The following IARS1 variants were observed in gnomAD, a reference collection of about 807,000 sequenced individuals.
IARS1 encodes isoleucyl-tRNA synthetase 1.
In IARS1, 124 loss-of-function variants were observed where a neutral mutation model predicts 168.2. The observed-to-expected ratio is 0.74, with a 90% confidence interval of 0.64 to 0.86. IARS1 has a LOEUF of 0.86. Among genes scored for constraint, IARS1 ranks in the 40% least tolerant of loss-of-function variants. IARS1 has a pLI of 0.00. For missense variants in IARS1, 1,452 were observed against 1,515.8 expected, an observed-to-expected ratio of 0.96 and a Z score of 0.70; for synonymous variants, 532 against 529.4, an observed-to-expected ratio of 1.00 and a Z score of -0.07.
intron 30 of IARS1, among the ~76,000 whole-genome samples, chr9:92,232,684 A>C (rs1826907256): frequency 6.6e-6 from 1 of 152,168 alleles, no homozygotes; most frequent in Non-Finnish European, 1.5e-5. Flanking sequence ...CAAATTAATA[A>C]GCCTTAATAA....
rs773969614 is a variant in IARS1 at position 92,269,925 on chromosome 9, T to C, written c.1264A>G (p.Met422Val). 4.3e-6 allele frequency: 7 copies of C among 1,613,696 alleles called. No homozygotes were observed. The highest frequency in any genetic ancestry group is 1.3e-5 in the African/African-American group (1 of 74,892). The change falls in exon 13 of 34, where the codon ATG (methionine) becomes GTG (valine). Residue 422 changes from methionine to valine, a missense_variant. By Grantham distance (21) the Met-to-Val change is conservative. Coordinates refer to ENST00000443024, the MANE Select transcript of IARS1 (RefSeq NM_002161.6). ...VPSWFVRVEN[M>V]VDQLLRNNDL... ...TTGTTCCTTAGGAGCTGGTCCACCA[T>C]GTTCTCCACTCGCACAAACCAGCTG...
intron 12 of IARS1, among the ~76,000 whole-genome samples, chr9:92,270,774 C>T (rs369127905): frequency 3.6e-4 from 54 of 152,032 alleles, no homozygotes; most frequent in Middle Eastern, 3.4e-3. Flanking sequence ...CCAGCCTGGG[C>T]GTCAGAGTGA....
At chr9:92,285,632 G>T (rs903191118) in intron 6 of IARS1, 90 bp downstream of exon 6, 7 of 752,470 alleles carry the variant, frequency 9.3e-6, no homozygotes, top group Non-Finnish European at 1.6e-5. Flanking sequence ...TTCCACACTG[G>T]GTCTACTTGG....
chr9:92,273,276 A>C (rs1246960144), intron 10 of IARS1, among the ~76,000 whole-genome samples: 1 of 152,226 alleles, frequency 6.6e-6, no homozygotes, highest in Non-Finnish European at 1.5e-5. Flanking sequence ...AAAACTCTTA[A>C]GTAGTATTAT....
intron 33 of IARS1, among the ~76,000 whole-genome samples, chr9:92,217,694 G>A (rs944193511): frequency 3.3e-5 from 5 of 151,994 alleles, no homozygotes; most frequent in South Asian, 4.2e-4. Flanking sequence ...TAAATTCCTC[G>A]ACACATACAT....
intron 33 of IARS1, among the ~76,000 whole-genome samples, chr9:92,214,183 T>A (rs1319315958): frequency 6.6e-6 from 1 of 151,850 alleles, no homozygotes; most frequent in Non-Finnish European, 1.5e-5. Flanking sequence ...GACGTATGCT[T>A]CTTAAAACTG....
At chr9:92,289,868 A>T (rs1836044128) in intron 1 of IARS1, among the ~76,000 whole-genome samples, 1 of 152,192 alleles carries the variant, frequency 6.6e-6, no homozygotes, top group Admixed American at 6.5e-5. Flanking sequence ...CTCATCCATG[A>T]TGTAATATGT....
At chr9:92,283,131 T>G (rs1352194554) in intron 6 of IARS1, among the ~76,000 whole-genome samples, 1 of 152,180 alleles carries the variant, frequency 6.6e-6, no homozygotes, top group Non-Finnish European at 1.5e-5. Context: ...CAAAAAAATT[T>G]TAAAAACCCT....
chr9:92,233,766 T>C (rs1444924442), intron 30 of IARS1, among the ~76,000 whole-genome samples: 1 of 152,212 alleles, frequency 6.6e-6, no homozygotes, highest in African/African-American at 2.4e-5. Context: ...GGTTTACATC[T>C]GAATATTTTT....
intron 6 of IARS1, among the ~76,000 whole-genome samples, chr9:92,281,893 A>C (rs1834629507): frequency 1.3e-5 from 2 of 152,210 alleles, no homozygotes; most frequent in Admixed American, 1.3e-4. Flanking sequence ...AAGAGACTAA[A>C]GAGCTCTTTA....
At chr9:92,268,410 G>T in intron 13 of IARS1, 110 bp from the exon 14 acceptor site, 1 of 1,032,360 alleles carries the variant, frequency 9.7e-7, no homozygotes. Context: ...AAACACTCTG[G>T]AAACGTGGCG....
rs571403974 is a variant in IARS1, at chr9:92,280,928, A to G, written c.598-35T>C. The G allele has an allele frequency of 1.3e-5, 19 of 1,512,842 alleles. No homozygotes were observed. In the South Asian group the frequency reaches 1.6e-4, roughly 13 times the overall value. The allele number at this position is 1,512,842 out of a possible 1,614,324, so 93.7% of individuals were successfully genotyped here. A position where few individuals can be genotyped will look rare whatever the true frequency, so the allele number is the denominator to read the frequency against. ...ATTGAGGTAAAGTATTGTTTTAGAAATCCACAATAACAGACACCTAAGAAA... is the reference window on the plus strand; with the variant it reads ...ATTGAGGTAAAGTATTGTTTTAGAAGTCCACAATAACAGACACCTAAGAAA... On this transcript the variant is annotated intron_variant, in intron 6 of 33. Coordinates refer to ENST00000443024, the MANE Select transcript of IARS1 (RefSeq NM_002161.6).
intron 33 of IARS1, among the ~76,000 whole-genome samples, chr9:92,212,526 CCT>C (rs1837929230): frequency 6.6e-6 from 1 of 152,148 alleles, no homozygotes; most frequent in Non-Finnish European, 1.5e-5. Context: ...TGGTTCTACC[CCT>C]GACCAGGTTC....
At chr9:92,250,962 T>C in intron 22 of IARS1, 128 bp from the exon 23 acceptor site, 1 of 975,504 alleles carries the variant, frequency 1.0e-6, no homozygotes, top group Non-Finnish European at 1.5e-6. Flanking sequence ...AGCATGAGGT[T>C]ACAAAACATG....
intron 29 of IARS1, among the ~76,000 whole-genome samples, chr9:92,241,745 T>C (rs1178131460): frequency 1.0e-5 from 1 of 100,400 alleles, no homozygotes; most frequent in Non-Finnish European, 1.9e-5. Context: ...GAAATGCTAT[T>C]GTAATCTTTC....
chr9:92,267,600 C>T (rs1416266939), intron 14 of IARS1, among the ~76,000 whole-genome samples: 1 of 152,184 alleles, frequency 6.6e-6, no homozygotes, highest in Non-Finnish European at 1.5e-5. Context: ...CTCAAGCGAT[C>T]CTCCTGCCTT....
chr9:92,281,293 G>A (rs892295863), intron 6 of IARS1, among the ~76,000 whole-genome samples: 4 of 151,826 alleles, frequency 2.6e-5, no homozygotes, highest in Non-Finnish European at 5.9e-5. Context: ...GTCACCACAC[G>A]TGGCTAATTT....
In IARS1 at chr9:92,253,996, G is replaced by A. The variant is rs113254622; in HGVS notation, c.2138-543C>T. 53 of 415,808 alleles carry A rather than the reference G, an allele frequency of 1.3e-4. 1 individual carries two copies. Among genetic ancestry groups the A allele is most frequent in the African/African-American group, 6.5e-4 (32 of 49,314 alleles). The allele number at this position is 415,808 out of a possible 1,614,324, so 25.8% of individuals were successfully genotyped here. The stretch of plus-strand genomic sequence containing the variant: ...CTTGTCACAACTTGGAGGGTAGCAC[G>A]GTGCTACTGGAATCTAATGGGTAGA... On this transcript the variant is annotated intron_variant, in intron 20 of 33. Coordinates refer to ENST00000443024, the MANE Select transcript of IARS1 (RefSeq NM_002161.6).
At chr9:92,244,413 C>T (rs1183191851) in intron 27 of IARS1, among the ~76,000 whole-genome samples, 1 of 152,138 alleles carries the variant, frequency 6.6e-6, no homozygotes, top group Non-Finnish European at 1.5e-5. Context: ...CCTGCAATAT[C>T]CCCAAACCCA....
Sources: allele counts gnomAD v4.1 joint callset (sites outside exome capture counted in the v4.1 genomes callset), GRCh38; gene constraint gnomAD v4.1.1; transcripts MANE v1.5; gene names NCBI Gene and HGNC (gene_info 2026-07-23, HGNC 2026-07-21).